CNOT6: variants seen among roughly 807,000 people sequenced by gnomAD.
CNOT6 encodes the protein CCR4-NOT transcription complex subunit 6, also known as carbon catabolite repression 4 protein.
CNOT6 carries 12 observed loss-of-function variants against 61.2 expected under a neutral mutation model. That is an observed-to-expected ratio of 0.20 (90% CI 0.13 to 0.32). CNOT6 has a LOEUF of 0.32. Among genes scored for constraint, CNOT6 ranks in the 10% least tolerant of loss-of-function variants. The pLI, the probability that CNOT6 is intolerant of heterozygous loss-of-function variation, is 1.00. For missense variants in CNOT6, 405 were observed against 663.9 expected (o/e 0.61, Z 4.28); for synonymous variants, 225 against 240.6 (o/e 0.94, Z 0.60).
In CNOT6 at chr5:180,564,485, C is replaced by A; in HGVS notation, c.386-4C>A. 1 of 1,583,752 alleles carries A rather than the reference C, an allele frequency of 6.3e-7. No homozygotes were observed. The highest frequency in any genetic ancestry group is 8.6e-7 in the Non-Finnish European group (1 of 1,161,284). ...CATTTTACTTATTTCAAAAATATTT[C>A]CAGGAAATCCCCTTACCCAGGATAT... is the stretch of plus-strand genomic sequence containing the variant. On this transcript the variant is annotated splice_region_variant and splice_polypyrimidine_tract_variant and intron_variant, in intron 4 of 11. Transcript: ENST00000261951.
chr5:180,514,834 G>A (rs934561812), intron 1 of CNOT6, among the ~76,000 whole-genome samples: 5 of 152,060 alleles, frequency 3.3e-5, no homozygotes, highest in African/African-American at 1.2e-4. Flanking sequence ...AATTGCTTTT[G>A]GATTTTTTTT....
chr5:180,556,324 CAG>C (rs1759888674), intron 4 of CNOT6, among the ~76,000 whole-genome samples: 1 of 152,166 alleles, frequency 6.6e-6, no homozygotes, highest in Admixed American at 6.5e-5. Flanking sequence ...TTCATTTACA[CAG>C]GGGGAATAGG....
At chr5:180,517,861 C>T (rs926717007) in intron 1 of CNOT6, among the ~76,000 whole-genome samples, 6 of 152,262 alleles carry the variant, frequency 3.9e-5, no homozygotes, top group Middle Eastern at 3.4e-3. Context: ...TTTTCTTAAA[C>T]GAGGGCTGTT....
intron 1 of CNOT6, among the ~76,000 whole-genome samples, chr5:180,506,883 T>G (rs1757152767): frequency 6.6e-6 from 1 of 152,180 alleles, no homozygotes; most frequent in Non-Finnish European, 1.5e-5. Flanking sequence ...GCTCTGGAGT[T>G]ATAAAAATAT....
At chr5:180,515,031 A>T (rs1343624930) in intron 1 of CNOT6, among the ~76,000 whole-genome samples, 1 of 152,112 alleles carries the variant, frequency 6.6e-6, no homozygotes, top group African/African-American at 2.4e-5. Context: ...GGGCTTACAG[A>T]GGCTGTAACA....
chr5:180,537,800 CTCTCT>C (rs1561647664), intron 2 of CNOT6, among the ~76,000 whole-genome samples: 1 of 71,524 alleles, frequency 1.4e-5, no homozygotes, highest in Non-Finnish European at 2.9e-5. Flanking sequence ...TCCTCTTTCT[CTCTCT>C]TTTTTTTTTT....
intron 6 of CNOT6, 146 bp downstream of exon 6, chr5:180,564,889 G>A: frequency 1.5e-6 from 1 of 646,400 alleles, no homozygotes. Context: ...AAGAATTCTT[G>A]CTCACATGAC....
At chr5:180,528,463 A>G (rs935973584) in intron 1 of CNOT6, among the ~76,000 whole-genome samples, 5 of 149,912 alleles carry the variant, frequency 3.3e-5, no homozygotes, top group African/African-American at 1.2e-4. Context: ...GGCGCCTGCC[A>G]CCATGCCCGG....
Position 180,576,938 on chromosome 5 carries a change from G to A in CNOT6, c.*2738G>A, listed in dbSNP as rs1581582812. 6.6e-6 allele frequency: 1 copy of A among 151,892 alleles called. No homozygotes were observed. The highest frequency in any genetic ancestry group is 6.6e-5 in the Admixed American group (1 of 15,256). 9.4% of individuals were successfully genotyped at this position (151,892 alleles called of 1,614,324 possible). A position where few individuals can be genotyped will look rare whatever the true frequency, so the allele number is the denominator to read the frequency against. ...TAGAAATGTCTTACAAAAAGTTTAGGGCATGTTTTCTGTTTTAAAGACCAG... is the reference window on the plus strand; with the variant it reads ...TAGAAATGTCTTACAAAAAGTTTAGAGCATGTTTTCTGTTTTAAAGACCAG... On this transcript the variant is annotated 3_prime_UTR_variant, in exon 12 of 12. Transcript: ENST00000261951.
At chr5:180,514,206 G>T (rs1254065710) in intron 1 of CNOT6, among the ~76,000 whole-genome samples, 1 of 151,976 alleles carries the variant, frequency 6.6e-6, no homozygotes. Context: ...GGTGGATCAT[G>T]AGGTCAGGAG....
At chr5:180,558,052 T>A (rs987114239) in intron 4 of CNOT6, among the ~76,000 whole-genome samples, 1 of 152,188 alleles carries the variant, frequency 6.6e-6, no homozygotes, top group Non-Finnish European at 1.5e-5. Context: ...TTTATTCTGT[T>A]TCATTGATCT....
rs1399840367 is a variant in CNOT6 at position 180,564,663 on chromosome 5, C to T, written c.491-12C>T. 1 of 1,613,098 alleles carries T rather than the reference C, an allele frequency of 6.2e-7. No individual in the cohort carries two copies. Among genetic ancestry groups the T allele is most frequent in the Non-Finnish European group, 8.5e-7 (1 of 1,179,110 alleles). ...AGAATATTGCTTAATTCTGTATTTT[C>T]TATTCAACTAGTTACAACAGAACAA... On this transcript the variant is annotated splice_polypyrimidine_tract_variant and intron_variant, in intron 5 of 11. Coordinates refer to ENST00000261951, the MANE Select transcript of CNOT6 (RefSeq NM_001370472.1).
intron 1 of CNOT6, 79 bp from the exon 2 acceptor site, chr5:180,529,196 T>TAA (rs1255640174): frequency 1.7e-6 from 1 of 590,218 alleles, no homozygotes; most frequent in Admixed American, 3.4e-5. Flanking sequence ...AGACTTCGTC[T>TAA]CAAAAAAAAA....
At chr5:180,546,031 CT>C (rs34520066) in intron 2 of CNOT6, among the ~76,000 whole-genome samples, 3 of 151,050 alleles carry the variant, frequency 2.0e-5, no homozygotes, top group East Asian at 1.9e-4. Flanking sequence ...CTTTCTCTCT[CT>C]TTTTTTTTAG....
chr5:180,564,910 A>G (rs902419103), intron 6 of CNOT6, among the ~76,000 whole-genome samples, 167 bp downstream of exon 6: 2 of 152,248 alleles, frequency 1.3e-5, no homozygotes, highest in African/African-American at 4.8e-5. Flanking sequence ...CTCTATGTAT[A>G]CTACATTGTG....
intron 3 of CNOT6, 43 bp downstream of exon 3, chr5:180,550,160 AAAAC>A: frequency 6.6e-7 from 1 of 1,510,654 alleles, no homozygotes; most frequent in South Asian, 1.1e-5. Flanking sequence ...TATGACCCCT[AAAAC>A]AAAATATAGG....
Position 180,564,475 on chromosome 5 carries a change from A to G in CNOT6, c.386-14A>G, listed in dbSNP as rs546751807. ...TACTTAGTTTCATTTTACTTATTTC[A>G]AAAATATTTCCAGGAAATCCCCTTA... On this transcript the variant is annotated splice_polypyrimidine_tract_variant and intron_variant, in intron 4 of 11. Coordinates refer to ENST00000261951, the MANE Select transcript of CNOT6 (RefSeq NM_001370472.1). 20 of 1,563,574 alleles carry G rather than the reference A, an allele frequency of 1.3e-5. No individual in the cohort carries two copies. In the East Asian group the frequency reaches 4.0e-4, roughly 32 times the overall value.
intron 4 of CNOT6, among the ~76,000 whole-genome samples, chr5:180,556,326 G>A (rs1759888911): frequency 6.6e-6 from 1 of 152,170 alleles, no homozygotes; most frequent in African/African-American, 2.4e-5. Flanking sequence ...CATTTACACA[G>A]GGGGAATAGG....
intron 1 of CNOT6, among the ~76,000 whole-genome samples, chr5:180,498,768 A>G (rs1293402428): frequency 6.6e-6 from 1 of 152,150 alleles, no homozygotes; most frequent in Non-Finnish European, 1.5e-5. Flanking sequence ...ACAAGTGTAT[A>G]TTTGAGATAG....
Sources: gnomAD v4.1 joint callset for allele counts (sites outside exome capture counted in the v4.1 genomes callset) on GRCh38, gnomAD v4.1.1 for gene constraint, MANE v1.5 for transcripts, NCBI Gene and HGNC (gene_info 2026-07-23, HGNC 2026-07-21) for gene names.